The following ZMYM2 variants were observed in gnomAD, a reference collection of about 807,000 sequenced individuals.
The protein encoded by ZMYM2 is zinc finger MYM-type protein 2.
In ZMYM2, 56 loss-of-function variants were observed where a neutral mutation model predicts 162.8. That is an observed-to-expected ratio of 0.34 (90% CI 0.28 to 0.43). The LOEUF (loss-of-function observed/expected upper bound fraction) is 0.43, where lower values mean the gene tolerates loss of function less well. Ranked by LOEUF, ZMYM2 falls within the 20% of genes least tolerant of loss-of-function variation. The probability of loss-of-function intolerance (pLI) is 1.00; values close to 1 mark genes in which losing one functional copy is unlikely to be tolerated. For missense variants in ZMYM2, 1,275 were observed against 1,621.8 expected (o/e 0.79, Z 3.67); for synonymous variants, 510 against 541.6 (o/e 0.94, Z 0.81).
At chr13:19,953,363 A>G in the ZMYM2 span, among the ~76,000 whole-genome samples, 1 of 152,224 alleles carries the variant, frequency 6.6e-6, no homozygotes, top group Admixed American at 6.5e-5. Context: ...TTTAGAAAGA[A>G]TGGCAACTTA....
At chr13:20,044,446 C>CT (rs1037256008) in intron 12 of ZMYM2, among the ~76,000 whole-genome samples, 54 of 152,316 alleles carry the variant, frequency 3.5e-4, no homozygotes, top group African/African-American at 1.1e-3. Flanking sequence ...AAGCTTCTCT[C>CT]TGTCTTCCCT....
At chr13:19,976,545 C>T (rs536173903) in intron 2 of ZMYM2, among the ~76,000 whole-genome samples, 4 of 152,230 alleles carry the variant, frequency 2.6e-5, no homozygotes, top group Admixed American at 6.5e-5. Flanking sequence ...CAGAACTCTA[C>T]GTATTAAACA....
chr13:19,865,656 C>CT, the ZMYM2 span, among the ~76,000 whole-genome samples: 1 of 152,162 alleles, frequency 6.6e-6, no homozygotes, highest in East Asian at 1.9e-4. Context: ...TTCTGATTAT[C>CT]TTTTTCACAA....
At chr13:19,933,252 GT>G in the ZMYM2 span, among the ~76,000 whole-genome samples, 1 of 152,080 alleles carries the variant, frequency 6.6e-6, no homozygotes, top group African/African-American at 2.4e-5. Flanking sequence ...TGCCCAGCCT[GT>G]TTTCTTTGAT....
chr13:19,948,630 C>G, the ZMYM2 span, among the ~76,000 whole-genome samples: 2 of 152,096 alleles, frequency 1.3e-5, no homozygotes, highest in African/African-American at 4.8e-5. Context: ...AAGGGATGAA[C>G]AACACCAAGA....
chr13:19,915,468 G>T, the ZMYM2 span, among the ~76,000 whole-genome samples: 2 of 147,340 alleles, frequency 1.4e-5, no homozygotes, highest in Non-Finnish European at 3.0e-5. Context: ...TTACTTTCAT[G>T]ATGTTGGTAT....
At chr13:20,003,759 C>T (rs1409226200) in intron 4 of ZMYM2, among the ~76,000 whole-genome samples, 1 of 152,032 alleles carries the variant, frequency 6.6e-6, no homozygotes, top group Non-Finnish European at 1.5e-5. Flanking sequence ...AGCAGTTATC[C>T]TGCCTCAGCC....
the ZMYM2 span, among the ~76,000 whole-genome samples, chr13:19,947,929 A>G: frequency 6.6e-6 from 1 of 151,728 alleles, no homozygotes; most frequent in Non-Finnish European, 1.5e-5. Context: ...ACTCTATGCC[A>G]TGTAATAAAA....
the ZMYM2 span, among the ~76,000 whole-genome samples, chr13:19,907,912 C>T: frequency 2.6e-5 from 4 of 152,130 alleles, no homozygotes; most frequent in South Asian, 2.1e-4. Context: ...ATTGCATTTG[C>T]TTGTTTCATG....
the ZMYM2 span, among the ~76,000 whole-genome samples, chr13:19,876,300 T>C: frequency 1.1e-4 from 16 of 152,098 alleles, 1 homozygote; most frequent in Admixed American, 9.8e-4. Flanking sequence ...AGTGCTGGGA[T>C]TACATGCGTG....
the ZMYM2 span, among the ~76,000 whole-genome samples, chr13:19,897,760 T>C: frequency 6.6e-6 from 1 of 152,080 alleles, no homozygotes; most frequent in Admixed American, 6.5e-5. Context: ...GTATATATTA[T>C]ATATGTAATT....
the ZMYM2 span, among the ~76,000 whole-genome samples, chr13:19,899,583 T>C: frequency 6.6e-6 from 1 of 151,904 alleles, no homozygotes; most frequent in Non-Finnish European, 1.5e-5. Context: ...TTTGGGAGGC[T>C]GAGGTGGGTG....
chr13:20,072,382 G>A (rs1006012021), intron 21 of ZMYM2, among the ~76,000 whole-genome samples: 53 of 152,256 alleles, frequency 3.5e-4, no homozygotes, highest in African/African-American at 1.0e-3. Context: ...TTAGCTGGGT[G>A]TAGTGGCGAG....
chr13:20,074,903 A>G (rs1957378708), intron 21 of ZMYM2, among the ~76,000 whole-genome samples: 1 of 152,208 alleles, frequency 6.6e-6, no homozygotes, highest in Non-Finnish European at 1.5e-5. Flanking sequence ...TTGTTTTACT[A>G]CTAAACTGCA....
chr13:20,051,986 T>C (rs902311013), intron 13 of ZMYM2, among the ~76,000 whole-genome samples: 2 of 152,092 alleles, frequency 1.3e-5, no homozygotes, highest in African/African-American at 4.8e-5. Context: ...TTAGAAGCTG[T>C]AATTTTTTTA....
chr13:20,059,063 A>T (rs1593164775), intron 15 of ZMYM2: 3 of 407,374 alleles, frequency 7.4e-6, no homozygotes, highest in East Asian at 1.2e-4. Context: ...TGTCAGAATG[A>T]GGTGAAATTG....
the ZMYM2 span, among the ~76,000 whole-genome samples, chr13:19,913,075 T>C: frequency 6.6e-6 from 1 of 152,154 alleles, no homozygotes; most frequent in South Asian, 2.1e-4. Flanking sequence ...CACTGGGCTG[T>C]GTGATCTAGC....
chr13:20,037,012 A>T lies in ZMYM2; in HGVS notation c.2292+103A>T, dbSNP rs1252502424. 2.2e-5 allele frequency: 25 copies of T among 1,135,246 alleles called. 2 individuals are homozygous for T. In the South Asian group the frequency reaches 3.5e-4, roughly 16 times the overall value. The allele number at this position is 1,135,246 out of a possible 1,614,324, so 70.3% of individuals were successfully genotyped here. On this transcript the variant is annotated intron_variant, in intron 12 of 24. Coordinates refer to ENST00000610343, the MANE Select transcript of ZMYM2 (RefSeq NM_197968.4). ...CAACTCATTTATTTTAAAAATGTACACACTTAAGGCCCAGCCCTGATAATA... is the reference window on the plus strand; with the variant it reads ...CAACTCATTTATTTTAAAAATGTACTCACTTAAGGCCCAGCCCTGATAATA...
intron 7 of ZMYM2, chr13:20,024,296 G>C (rs1389849738): frequency 5.2e-6 from 1 of 191,156 alleles, no homozygotes; most frequent in Non-Finnish European, 1.1e-5. Flanking sequence ...ATGTTTACTT[G>C]ATGTCTTAAA....
Sources: gnomAD v4.1 joint callset for allele counts (sites outside exome capture counted in the v4.1 genomes callset) on GRCh38, gnomAD v4.1.1 for gene constraint, MANE v1.5 for transcripts, NCBI Gene and HGNC (gene_info 2026-07-23, HGNC 2026-07-21) for gene names.